Variants in SIM2 observed in about 807,000 individuals in gnomAD.
The protein encoded by SIM2 is SIM bHLH transcription factor 2.
In SIM2, 28 loss-of-function variants were observed where a neutral mutation model predicts 64.8. That is an observed-to-expected ratio of 0.43 (90% confidence interval 0.32 to 0.59). The LOEUF (loss-of-function observed/expected upper bound fraction) is 0.59, where lower values mean the gene tolerates loss of function less well. SIM2 is among the 20% of genes least tolerant of loss of function. SIM2 has a pLI of 0.07. For synonymous variants in SIM2, 408 were observed against 391.1 expected (o/e 1.04, Z -0.51); for missense variants, 847 against 871.4 (o/e 0.97, Z 0.35).
At chr21:36,732,990 G>T (rs903004821) in intron 7 of SIM2, among the ~76,000 whole-genome samples, 2 of 152,074 alleles carry the variant, frequency 1.3e-5, no homozygotes, top group Non-Finnish European at 2.9e-5. Flanking sequence ...GAAGGTGAGG[G>T]CTCATACCTC....
At chr21:36,712,404 T>A (rs2088689651) in intron 2 of SIM2, 129 bp from the exon 3 acceptor site, 2 of 639,074 alleles carry the variant, frequency 3.1e-6, no homozygotes, top group South Asian at 2.3e-5. Context: ...GGGCTTCATT[T>A]TTGCATTTAG....
intron 7 of SIM2, among the ~76,000 whole-genome samples, chr21:36,736,780 CTTTTCCT>C (rs1485756857): frequency 1.8e-3 from 146 of 80,036 alleles, no homozygotes; most frequent in Middle Eastern, 0.01. Context: ...TTCTTTCTTT[CTTTTCCT>C]TCTTTCTTTT....
intron 1 of SIM2, chr21:36,701,558 G>A (rs1007496758): frequency 1.3e-5 from 2 of 152,280 alleles, no homozygotes; most frequent in Non-Finnish European, 2.9e-5. Flanking sequence ...GCCCTACCGC[G>A]CGGCCGCGGG....
chr21:36,721,646 C>T (rs59649418), intron 4 of SIM2, among the ~76,000 whole-genome samples: 9,236 of 152,080 alleles, frequency 0.061, 921 homozygotes, highest in African/African-American at 0.21. Context: ...TTTTGCCATG[C>T]TGGTCAGACT....
chr21:36,745,662 C>T lies in SIM2; in HGVS notation c.1576+526C>T, dbSNP rs1048060830. ...CAAAGAACACAAACCCTCCAGGCCTCAGTTTCTTCACCTGTAAAATGGGGT... is the reference window on the plus strand; with the variant it reads ...CAAAGAACACAAACCCTCCAGGCCTTAGTTTCTTCACCTGTAAAATGGGGT... On this transcript the variant is annotated intron_variant, in intron 10 of 10. Transcript: ENST00000290399. This position sits in a 1 kb window ranked among gnomAD's most constrained non-coding sequence, Gnocchi z 4.8. 8.4e-6 allele frequency: 10 copies of T among 1,183,634 alleles called. No homozygotes were observed. The highest frequency in any genetic ancestry group is 9.8e-6 in the Non-Finnish European group (9 of 922,938). 73.3% of individuals were successfully genotyped at this position (1,183,634 alleles called of 1,614,324 possible). A position where few individuals can be genotyped will look rare whatever the true frequency, so the allele number is the denominator to read the frequency against.
chr21:36,740,312 G>T (rs188330245), intron 7 of SIM2, among the ~76,000 whole-genome samples: 1 of 152,048 alleles, frequency 6.6e-6, no homozygotes, highest in South Asian at 2.1e-4. Context: ...TGCCTATTCT[G>T]GAAGTTTCAT....
At chr21:36,713,023 A>C (rs1024184958) in intron 3 of SIM2, among the ~76,000 whole-genome samples, 3 of 152,244 alleles carry the variant, frequency 2.0e-5, no homozygotes, top group Non-Finnish European at 4.4e-5. Flanking sequence ...AGGTAAGCTG[A>C]TGTGGAACAT....
chr21:36,747,669 C>T lies in SIM2; in HGVS notation c.1581C>T (p.Pro527=). Residue 527 remains proline, a synonymous_variant, in exon 11 of 11, where the codon CCC becomes CCT. Coordinates refer to ENST00000290399, the MANE Select transcript of SIM2 (RefSeq NM_005069.6). This position sits in a 1 kb window ranked among gnomAD's most constrained non-coding sequence, Gnocchi z 4.5. ...RHSLVPSYEA[P]AAAVRRFGED... ...ACGTGTCGCCTGTCCCCGCAGCGCC[C>T]GCCGCCGCCGTGCGCAGGTTCGGCG... 1 of 1,246,798 alleles carries T rather than the reference C, an allele frequency of 8.0e-7. No homozygotes were observed. Among genetic ancestry groups the T allele is most frequent in the Non-Finnish European group, 1.0e-6 (1 of 994,884 alleles). The allele number at this position is 1,246,798 out of a possible 1,614,324, so 77.2% of individuals were successfully genotyped here. A position where few individuals can be genotyped will look rare whatever the true frequency, so the allele number is the denominator to read the frequency against.
intron 4 of SIM2, 23 bp from the exon 5 acceptor site, chr21:36,723,022 C>T (rs985901495): frequency 1.3e-6 from 2 of 1,599,968 alleles, no homozygotes; most frequent in African/African-American, 2.7e-5. Flanking sequence ...CAGCTGCCAA[C>T]CTCATCTTGC....
intron 1 of SIM2, among the ~76,000 whole-genome samples, chr21:36,705,020 G>A (rs910431147): frequency 6.6e-6 from 1 of 152,222 alleles, no homozygotes; most frequent in Non-Finnish European, 1.5e-5. Context: ...AGAGGCTCAA[G>A]CTATAGGCTG....
At chr21:36,713,437 A>T (rs1352419372) in intron 3 of SIM2, among the ~76,000 whole-genome samples, 2 of 152,190 alleles carry the variant, frequency 1.3e-5, no homozygotes, top group Non-Finnish European at 2.9e-5. Flanking sequence ...CTGACTTAAC[A>T]AATGTGGATC....
chr21:36,730,437 A>C (rs985795568), intron 6 of SIM2, among the ~76,000 whole-genome samples: 5 of 152,230 alleles, frequency 3.3e-5, no homozygotes, highest in African/African-American at 1.2e-4. Flanking sequence ...AAATTCCTAG[A>C]GACAGAAAGT....
intron 7 of SIM2, among the ~76,000 whole-genome samples, chr21:36,737,984 C>CAAAA (rs71326699): frequency 2.2e-5 from 2 of 90,234 alleles, no homozygotes; most frequent in East Asian, 3.3e-4. Context: ...AAAAAAAAAG[C>CAAAA]AAAAAAAAAG....
chr21:36,733,339 C>T (rs2088996784), intron 7 of SIM2, among the ~76,000 whole-genome samples: 1 of 151,960 alleles, frequency 6.6e-6, no homozygotes, highest in Admixed American at 6.6e-5. Context: ...ATTCTCGTGT[C>T]TCAGCCTCCC....
chr21:36,699,871 T>G lies in SIM2; in HGVS notation c.125T>G (p.Ile42Ser). The change falls in exon 1 of 11, where the codon ATC (isoleucine) becomes AGC (serine). Residue 42 changes from isoleucine to serine, a missense_variant. Physicochemically the swap from Ile to Ser is moderately radical, Grantham distance 142. Around this residue, in one of 3 missense-constraint regions of SIM2, gnomAD observed 397 missense variants for 439.2 expected, o/e 0.90. Transcript: ENST00000290399. This position sits in a 1 kb window ranked among gnomAD's most constrained non-coding sequence, Gnocchi z 5.6. ...ACTTCGCAGCTGGACAAAGCGTCCA[T>G]CATCCGCCTCACCACGAGCTACCTG... ...AITSQLDKASIIRLTTSYLKM... is the reference protein window; with the variant it reads ...AITSQLDKASSIRLTTSYLKM... The G allele has an allele frequency of 6.2e-7, 1 of 1,608,446 alleles. No individual in the cohort carries two copies. The highest frequency in any genetic ancestry group is 8.5e-7 in the Non-Finnish European group (1 of 1,177,628).
At position 36,749,740 on chromosome 21, in the gene SIM2, G is replaced by C. The variant is rs2089311682; in HGVS notation, c.*1648G>C. The C allele has an allele frequency of 6.6e-6, 1 of 152,034 alleles. No homozygotes were observed. Among genetic ancestry groups the C allele is most frequent in the Non-Finnish European group, 1.5e-5 (1 of 68,022 alleles). The allele number at this position is 152,034 out of a possible 1,614,324, so 9.4% of individuals were successfully genotyped here. ...TAAACCGTGATTCTTGAAAGGTGTA[G>C]GTTTGATTACTAGGAGATACCACCG... On this transcript the variant is annotated 3_prime_UTR_variant, in exon 11 of 11. Coordinates refer to ENST00000290399, the MANE Select transcript of SIM2 (RefSeq NM_005069.6).
rs79899488 is a variant in SIM2 at position 36,718,282 on chromosome 21, T to C, written c.349-1539T>C. Among the ~76,000 whole-genome samples the C allele has an allele frequency of 3.2e-3, 492 of 152,316 alleles. 2 individuals are homozygous for C. The highest frequency in any genetic ancestry group is 0.011 in the African/African-American group (467 of 41,572). Reference sequence around the variant, plus strand: ...CGACCCCTTGGTCCCAAGTAAAAGCTGATGGCCTAGATGCTAATCTGGAAC... The same window carrying C: ...CGACCCCTTGGTCCCAAGTAAAAGCCGATGGCCTAGATGCTAATCTGGAAC... On this transcript the variant is annotated intron_variant, in intron 3 of 10. Transcript: ENST00000290399.
chr21:36,747,531 G>C lies in SIM2; in HGVS notation c.1577-134G>C, dbSNP rs1352787664. The C allele has an allele frequency of 7.7e-5, 35 of 453,468 alleles. No individual in the cohort carries two copies. The highest frequency in any genetic ancestry group is 1.1e-4 in the South Asian group (1 of 9,376). The allele number at this position is 453,468 out of a possible 1,614,324, so 28.1% of individuals were successfully genotyped here. A position where few individuals can be genotyped will look rare whatever the true frequency, so the allele number is the denominator to read the frequency against. On this transcript the variant is annotated intron_variant, in intron 10 of 10. Transcript: ENST00000290399. The surrounding 1 kb of genome is among the most constrained non-coding windows in gnomAD (Gnocchi z 4.5). Reference sequence around the variant, plus strand: ...TGGACAGCACGGCCTAGACTAAGGCGGGGGAGGGCGACAGCGACCCCGCGG... The same window carrying C: ...TGGACAGCACGGCCTAGACTAAGGCCGGGGAGGGCGACAGCGACCCCGCGG...
At chr21:36,730,477 G>A (rs1044801039) in intron 6 of SIM2, among the ~76,000 whole-genome samples, 1 of 152,198 alleles carries the variant, frequency 6.6e-6, no homozygotes, top group Non-Finnish European at 1.5e-5. Flanking sequence ...GCTGGGCAGG[G>A]GACAGTGGGG....
Sources: allele counts gnomAD v4.1 joint callset (sites outside exome capture counted in the v4.1 genomes callset), GRCh38; gene constraint gnomAD v4.1.1; regional missense constraint gnomAD v4.1.1; non-coding constraint Gnocchi (gnomAD v3.1); transcripts MANE v1.5; gene names NCBI Gene and HGNC (gene_info 2026-07-23, HGNC 2026-07-21).